Variants in CRLF2 observed in about 807,000 individuals in gnomAD.
CRLF2 encodes the protein cytokine receptor like factor 2.
A neutral mutation model predicts 38.7 loss-of-function variants in CRLF2; 41 were observed. That is an observed-to-expected ratio of 1.06 (90% CI 0.83 to 1.37). CRLF2 has a LOEUF of 1.37. Ranked by LOEUF, CRLF2 falls within the 40% of genes most tolerant of loss-of-function variation. CRLF2 has a pLI of 0.00. For missense variants in CRLF2, 377 were observed against 322.2 expected, an observed-to-expected ratio of 1.17 and a Z score of -1.30; for synonymous variants, 140 against 128.8, an observed-to-expected ratio of 1.09 and a Z score of -0.59.
In CRLF2 at chrX:1,193,206, G is replaced by A; in HGVS notation, c.852+12C>T. On this transcript the variant is annotated intron_variant, in intron 7 of 7. Transcript: ENST00000400841. ...GTGGAGAGGAGAAGAGACACAAGGA[G>A]AGGGCGGATACCTGGAAGTTCCCTT... 2.5e-6 allele frequency: 1 copy of A among 398,570 alleles called. No homozygotes were observed. The highest frequency in any genetic ancestry group is 6.3e-4 in the Middle Eastern group (1 of 1,588). The allele number at this position is 398,570 out of a possible 1,614,324, so 24.7% of individuals were successfully genotyped here.
chrX:1,201,481 TAGAG>T (rs201676298), intron 4 of CRLF2, among the ~76,000 whole-genome samples: 73,739 of 143,356 alleles, frequency 0.51, 19,007 homozygotes, highest in East Asian at 0.69. Flanking sequence ...AGACAGATGA[TAGAG>T]AGATAGATAG....
chrX:1,212,419 A>G (rs1479730225), intron 1 of CRLF2, 137 bp downstream of exon 1: 17 of 148,242 alleles, frequency 1.1e-4, no homozygotes, highest in East Asian at 7.2e-4. Flanking sequence ...TTGAACCCGG[A>G]AAAAAAAAAA....
chrX:1,212,517 A>G (rs761825518), intron 1 of CRLF2, 39 bp downstream of exon 1: 1 of 1,524,748 alleles, frequency 6.6e-7, no homozygotes, highest in South Asian at 1.1e-5. Flanking sequence ...GCAAACCACA[A>G]ACCAAAATAC....
chrX:1,194,759 T>C (rs1260275495), intron 6 of CRLF2, among the ~76,000 whole-genome samples: 114 of 151,844 alleles, frequency 7.5e-4, no homozygotes, highest in African/African-American at 2.6e-3. Context: ...TGGCCAGGAG[T>C]GGTGGCTCAC....
intron 3 of CRLF2, among the ~76,000 whole-genome samples, chrX:1,204,793 C>G (rs2086664479): frequency 6.7e-6 from 1 of 148,398 alleles, no homozygotes; most frequent in South Asian, 2.1e-4. Flanking sequence ...TCCCAAAGTA[C>G]CGGGATTACA....
intron 6 of CRLF2, among the ~76,000 whole-genome samples, chrX:1,195,612 T>C: frequency 1.4e-5 from 2 of 147,388 alleles, no homozygotes; most frequent in East Asian, 3.9e-4. Flanking sequence ...AGTTTCACCC[T>C]TGTCGCCCAG....
In CRLF2 at chrX:1,190,780, T is replaced by C; in HGVS notation, c.*117A>G. 2.5e-6 allele frequency: 1 copy of C among 398,536 alleles called. No homozygotes were observed. The highest frequency in any genetic ancestry group is 4.4e-6 in the Non-Finnish European group (1 of 226,100). The allele number at this position is 398,536 out of a possible 1,614,324, so 24.7% of individuals were successfully genotyped here. ...CTGGGTCTTCAGAGTCTCCTAGTCC[T>C]ACCATCATTGGCGTGGAGACTTCCC... On this transcript the variant is annotated 3_prime_UTR_variant, in exon 8 of 8. Coordinates refer to ENST00000400841, the MANE Select transcript of CRLF2 (RefSeq NM_022148.4).
chrX:1,202,654 G>GACCACC, intron 3 of CRLF2, 119 bp from the exon 4 acceptor site: 1 of 1,179,762 alleles, frequency 8.5e-7, no homozygotes, highest in Non-Finnish European at 1.3e-6. Flanking sequence ...ATGGTGTCTC[G>GACCACC]GGGTTCACCC....
chrX:1,206,679 G>A, intron 2 of CRLF2, 80 bp from the exon 3 acceptor site: 5 of 1,424,180 alleles, frequency 3.5e-6, no homozygotes, highest in Non-Finnish European at 4.9e-6. Context: ...TCTTGCTCTT[G>A]TCGCCCAGGT....
At chrX:1,192,170 A>C (rs1226124318) in intron 7 of CRLF2, among the ~76,000 whole-genome samples, 4 of 130,156 alleles carry the variant, frequency 3.1e-5, no homozygotes, top group Admixed American at 8.7e-5. Flanking sequence ...CCGCCACTGC[A>C]CTCCAGCCTG....
At chrX:1,198,809 C>A (rs2086549463) in intron 4 of CRLF2, 85 bp from the exon 5 acceptor site, 17 of 1,299,912 alleles carry the variant, frequency 1.3e-5, no homozygotes, top group Non-Finnish European at 1.8e-5. Flanking sequence ...ACCTGTCTGT[C>A]CAGAGTTTTC....
Position 1,208,806 on chromosome X carries a change from C to T in CRLF2, c.182G>A (p.Arg61Lys). Residue 61 changes from arginine to lysine, a missense_variant and splice_region_variant, in exon 2 of 8, where the codon AGA (arginine) becomes AAA (lysine). Arg to Lys is a conservative substitution (Grantham distance 26, BLOSUM62 2). Coordinates refer to ENST00000400841, the MANE Select transcript of CRLF2 (RefSeq NM_022148.4). The stretch of plus-strand genomic sequence containing the variant: ...GGTTCGCTTTCTGGGGGCCACTTAC[C>T]TGTAGTGGAAAGTCAGGTTGGTCCT... ...YSRTNLTFHYRFNGDEAYDQC... is the reference protein window; with the variant it reads ...YSRTNLTFHYKFNGDEAYDQC... The T allele has an allele frequency of 6.3e-7, 1 of 1,592,422 alleles. No homozygotes were observed. Among genetic ancestry groups the T allele is most frequent in the Non-Finnish European group, 8.6e-7 (1 of 1,160,352 alleles).
At chrX:1,195,984 T>A (rs2086468010) in intron 6 of CRLF2, among the ~76,000 whole-genome samples, 1 of 139,344 alleles carries the variant, frequency 7.2e-6, no homozygotes, top group Non-Finnish European at 1.5e-5. Flanking sequence ...TTATATATAT[T>A]TTTATATATT....
chrX:1,198,767 A>ACACC, intron 4 of CRLF2, 43 bp from the exon 5 acceptor site: 2 of 1,403,412 alleles, frequency 1.4e-6, no homozygotes, highest in East Asian at 2.5e-5. Context: ...ACACACACAC[A>ACACC]CACACACACA....
intron 6 of CRLF2, among the ~76,000 whole-genome samples, chrX:1,196,388 A>C (rs745396690): frequency 6.6e-6 from 1 of 151,946 alleles, no homozygotes; most frequent in East Asian, 1.9e-4. Context: ...GGGTTTCACC[A>C]TGTTGGCCAG....
Position 1,198,547 on chromosome X carries a change from C to G in CRLF2, c.646+15G>C, listed in dbSNP as rs9778721. The G allele has an allele frequency of 6.2e-7, 1 of 1,611,076 alleles. No individual in the cohort carries two copies. Among genetic ancestry groups the G allele is most frequent in the Non-Finnish European group, 8.5e-7 (1 of 1,178,614 alleles). On this transcript the variant is annotated intron_variant, in intron 5 of 7. Coordinates refer to ENST00000400841, the MANE Select transcript of CRLF2 (RefSeq NM_022148.4). ...GTGACAAGGCTATGGGACACTGCCG[C>G]GTAACAAGCATTACCCCGAATCTCG... is the stretch of plus-strand genomic sequence containing the variant.
At chrX:1,196,701 G>A (rs1158753783) in intron 6 of CRLF2, 79 bp downstream of exon 6, 4 of 1,546,932 alleles carry the variant, frequency 2.6e-6, no homozygotes, top group African/African-American at 1.4e-5. Context: ...ACTCTATCAG[G>A]CGATTAATCT....
At position 1,196,832 on chromosome X, in the gene CRLF2, C is replaced by T. The variant is rs754939213; in HGVS notation, c.715G>A (p.Ala239Thr). 1.2e-6 allele frequency: 2 copies of T among 1,613,378 alleles called. No homozygotes were observed. The highest frequency in any genetic ancestry group is 1.7e-6 in the Non-Finnish European group (2 of 1,179,452). ...LSKFILISSL[A>T]ILLMVSLLLL... ...AGGAGAGACACCATCAGAAGGATGG[C>T]CAGGCTGGAAATTAAAATAAATTTG... Residue 239 changes from alanine (A) to threonine (T), a missense_variant, in exon 6 of 8, where the codon GCC becomes ACC. Coordinates refer to ENST00000400841, the MANE Select transcript of CRLF2 (RefSeq NM_022148.4).
chrX:1,205,748 G>C (rs1254985883), intron 3 of CRLF2, among the ~76,000 whole-genome samples: 1 of 151,788 alleles, frequency 6.6e-6, no homozygotes, highest in Non-Finnish European at 1.5e-5. Context: ...AGTACTTATG[G>C]TAATAAGCTG....
Sources: allele counts gnomAD v4.1 joint callset (sites outside exome capture counted in the v4.1 genomes callset), GRCh38; gene constraint gnomAD v4.1.1; transcripts MANE v1.5; gene names NCBI Gene and HGNC (gene_info 2026-07-23, HGNC 2026-07-21).